The following MEF2A variants were observed in gnomAD, a reference collection of about 807,000 sequenced individuals.
The protein encoded by MEF2A is myocyte-specific enhancer factor 2A.
In MEF2A, 28 loss-of-function variants were observed where a neutral mutation model predicts 55.8. That is an observed-to-expected ratio of 0.50 (90% CI 0.37 to 0.69). The LOEUF is 0.69. Ranked by LOEUF, MEF2A falls within the 30% of genes least tolerant of loss-of-function variation. The probability of loss-of-function intolerance (pLI) is 0.00; values close to 1 mark genes in which losing one functional copy is unlikely to be tolerated. For synonymous variants in MEF2A, 239 were observed against 227.1 expected (o/e 1.05, Z -0.47); for missense variants, 528 against 626.2 (o/e 0.84, Z 1.67).
chr15:99,711,877 C>T (rs537587113), intron 11 of MEF2A, among the ~76,000 whole-genome samples: 1 of 152,338 alleles, frequency 6.6e-6, no homozygotes, highest in African/African-American at 2.4e-5. Context: ...AGCCCAGGCC[C>T]GGGGAACAGC....
At chr15:99,675,376 T>C (rs1284654891) in intron 6 of MEF2A, 23 bp from the exon 7 acceptor site, 6 of 1,609,698 alleles carry the variant, frequency 3.7e-6, no homozygotes, top group Non-Finnish European at 5.1e-6. Flanking sequence ...CTGCCCTCTG[T>C]CTTCTCTCCG....
chr15:99,601,849 GTGTGTGTGTCA>G (rs1973188240), intron 2 of MEF2A, among the ~76,000 whole-genome samples: 2 of 48,864 alleles, frequency 4.1e-5, no homozygotes, highest in Non-Finnish European at 1.3e-4. Context: ...GTGTGTGTGT[GTGTGTGTGTCA>G]GGGTAATGCT....
chr15:99,712,888 C>A lies in MEF2A; in HGVS notation c.*117C>A. ...TTATATGTACATACATATATATATC[C>A]CTTTACATATATATGTATGTGGGTG... On this transcript the variant is annotated 3_prime_UTR_variant, in exon 12 of 12. Coordinates refer to ENST00000557942, the MANE Select transcript of MEF2A (RefSeq NM_001319206.4). The surrounding 1 kb of genome is among the most constrained non-coding windows in gnomAD (Gnocchi z 4.1). 1 of 1,101,884 alleles carries A rather than the reference C, an allele frequency of 9.1e-7. No individual in the cohort carries two copies. Among genetic ancestry groups the A allele is most frequent in the Non-Finnish European group, 1.3e-6 (1 of 780,124 alleles). 68.3% of individuals were successfully genotyped at this position (1,101,884 alleles called of 1,614,324 possible).
chr15:99,681,293 G>A (rs2053204398), intron 7 of MEF2A, among the ~76,000 whole-genome samples: 1 of 152,212 alleles, frequency 6.6e-6, no homozygotes, highest in Non-Finnish European at 1.5e-5. Flanking sequence ...AGAGATGGAA[G>A]AGGTGAAAGA....
At chr15:99,693,173 C>A (rs912889272) in intron 8 of MEF2A, among the ~76,000 whole-genome samples, 11 of 152,106 alleles carry the variant, frequency 7.2e-5, no homozygotes, top group African/African-American at 2.7e-4. Flanking sequence ...AATAGCTTAG[C>A]AGGAGGGAAA....
chr15:99,585,196 C>T (rs1966858491), intron 1 of MEF2A, among the ~76,000 whole-genome samples: 1 of 152,120 alleles, frequency 6.6e-6, no homozygotes, highest in Non-Finnish European at 1.5e-5. Flanking sequence ...AATTCAGATG[C>T]TTTCCTATTT....
At chr15:99,577,107 A>G (rs1038670648) in intron 1 of MEF2A, among the ~76,000 whole-genome samples, 8 of 152,228 alleles carry the variant, frequency 5.3e-5, no homozygotes, top group Non-Finnish European at 8.8e-5. Context: ...TAATTATACA[A>G]TGATATGATA....
intron 8 of MEF2A, among the ~76,000 whole-genome samples, chr15:99,691,099 G>C (rs1256156009): frequency 2.2e-5 from 2 of 88,910 alleles, no homozygotes; most frequent in Non-Finnish European, 4.6e-5. Flanking sequence ...TTTCGAATCA[G>C]GTTTTTTTTT....
At chr15:99,620,656 G>A (rs1359266678) in intron 2 of MEF2A, among the ~76,000 whole-genome samples, 1 of 152,026 alleles carries the variant, frequency 6.6e-6, no homozygotes, top group East Asian at 1.9e-4. Flanking sequence ...ACGTACATGT[G>A]TCTTTTTGGT....
intron 1 of MEF2A, among the ~76,000 whole-genome samples, chr15:99,583,273 C>A (rs549860759): frequency 6.6e-6 from 1 of 152,166 alleles, no homozygotes; most frequent in East Asian, 1.9e-4. Flanking sequence ...CCTCAAATGT[C>A]CTCTGAGGCT....
At position 99,712,175 on chromosome 15, in the gene MEF2A, G is replaced by GT; in HGVS notation, c.1137-214dup. 6.6e-6 allele frequency among the ~76,000 whole-genome samples: 1 copy of GT among 152,302 alleles called. No homozygotes were observed. Among genetic ancestry groups the GT allele is most frequent in the Middle Eastern group, 3.4e-3 (1 of 294 alleles). On this transcript the variant is annotated intron_variant, in intron 11 of 11. Coordinates refer to ENST00000557942, the MANE Select transcript of MEF2A (RefSeq NM_001319206.4). This position sits in a 1 kb window ranked among gnomAD's most constrained non-coding sequence, Gnocchi z 4.1. ...GTTGTGGGTAACAGAACCAAGTAACGTAAGGGCTCAACGGTACTGTTTTCT... is the reference window on the plus strand; with the variant it reads ...GTTGTGGGTAACAGAACCAAGTAACGTTAAGGGCTCAACGGTACTGTTTTCT...
intron 10 of MEF2A, 32 bp from the exon 11 acceptor site, chr15:99,710,602 C>T (rs375455610): frequency 1.3e-6 from 2 of 1,593,764 alleles, no homozygotes; most frequent in African/African-American, 2.7e-5. Context: ...GACCTTCCAT[C>T]ATATGCAGAG....
At chr15:99,591,708 T>C (rs1485598740) in intron 1 of MEF2A, among the ~76,000 whole-genome samples, 2 of 152,184 alleles carry the variant, frequency 1.3e-5, no homozygotes, top group Non-Finnish European at 2.9e-5. Context: ...TTTGTTTTGC[T>C]CTTTTTGATG....
At chr15:99,597,773 C>T (rs137877360) in intron 1 of MEF2A, among the ~76,000 whole-genome samples, 9 of 152,148 alleles carry the variant, frequency 5.9e-5, no homozygotes, top group African/African-American at 1.9e-4. Context: ...AGCTGGCCGA[C>T]GCTTAAGGAA....
chr15:99,569,935 GTTAA>G (rs749589435), intron 1 of MEF2A, among the ~76,000 whole-genome samples: 43 of 151,862 alleles, frequency 2.8e-4, no homozygotes, highest in Non-Finnish European at 4.7e-4. Context: ...AAATCCATTT[GTTAA>G]TTAGTAAATC....
At chr15:99,574,329 A>G (rs562729517) in intron 1 of MEF2A, among the ~76,000 whole-genome samples, 2 of 152,226 alleles carry the variant, frequency 1.3e-5, no homozygotes, top group Non-Finnish European at 2.9e-5. Flanking sequence ...GTGGAAGACA[A>G]TTTTTCCATG....
intron 2 of MEF2A, among the ~76,000 whole-genome samples, chr15:99,613,398 G>A (rs1048576637): frequency 6.6e-6 from 1 of 152,064 alleles, no homozygotes; most frequent in Non-Finnish European, 1.5e-5. Flanking sequence ...AATAGTAAAC[G>A]GCAGTAGGAA....
At chr15:99,694,149 A>G (rs2153734216) in intron 8 of MEF2A, among the ~76,000 whole-genome samples, 1 of 152,304 alleles carries the variant, frequency 6.6e-6, no homozygotes, top group African/African-American at 2.4e-5. Context: ...GAGAGTTTCT[A>G]AGACTTTCCT....
chr15:99,576,649 T>C (rs1213530479), intron 1 of MEF2A, among the ~76,000 whole-genome samples: 1 of 151,558 alleles, frequency 6.6e-6, no homozygotes, highest in African/African-American at 2.4e-5. Context: ...TTTTTTGTTT[T>C]TTTTTTTTTG....
Sources: allele counts gnomAD v4.1 joint callset (sites outside exome capture counted in the v4.1 genomes callset), GRCh38; gene constraint gnomAD v4.1.1; non-coding constraint Gnocchi (gnomAD v3.1); transcripts MANE v1.5; gene names NCBI Gene and HGNC (gene_info 2026-07-23, HGNC 2026-07-21).